CCDC63: variants seen among roughly 807,000 people sequenced by gnomAD.
The protein encoded by CCDC63 is coiled-coil domain-containing protein 63.
A neutral mutation model predicts 63.6 loss-of-function variants in CCDC63; 54 were observed. The ratio of observed to expected loss-of-function variants is 0.85; its 90% CI spans 0.68 to 1.07. The LOEUF (loss-of-function observed/expected upper bound fraction) is 1.07, where lower values mean the gene tolerates loss of function less well. Among genes scored for constraint, CCDC63 ranks in the 50% least tolerant of loss-of-function variants. CCDC63 has a pLI of 0.00. For synonymous variants in CCDC63, 253 were observed against 266.1 expected (o/e 0.95, Z 0.48); for missense variants, 637 against 689.6 (o/e 0.92, Z 0.86).
chr12:110,847,536 C>CAG (rs755217259), intron 1 of CCDC63, among the ~76,000 whole-genome samples: 78 of 145,942 alleles, frequency 5.3e-4, no homozygotes, highest in Non-Finnish European at 7.2e-4. Flanking sequence ...GCCTGGGTGA[C>CAG]AGAGAGAGAG....
intron 10 of CCDC63, among the ~76,000 whole-genome samples, chr12:110,902,021 G>A (rs1378578913): frequency 6.6e-6 from 1 of 152,044 alleles, no homozygotes; most frequent in Non-Finnish European, 1.5e-5. Flanking sequence ...AATAGAGATG[G>A]GGTTTCACCA....
chr12:110,906,727 G>A (rs760503323), intron 11 of CCDC63, among the ~76,000 whole-genome samples: 9 of 152,064 alleles, frequency 5.9e-5, no homozygotes, highest in Non-Finnish European at 1.2e-4. Context: ...CGCAGCAGGA[G>A]TGAAAGCTAG....
At chr12:110,886,656 C>T (rs983502451) in intron 8 of CCDC63, among the ~76,000 whole-genome samples, 1 of 152,104 alleles carries the variant, frequency 6.6e-6, no homozygotes, top group African/African-American at 2.4e-5. Flanking sequence ...CTCCTCCCAC[C>T]CTTTATCTCC....
At position 110,904,772 on chromosome 12, in the gene CCDC63, C is replaced by T; in HGVS notation, c.1527C>T (p.Phe509=). ...VIPPVLGADP[F]SDRLDDVEQP... is the part of the protein sequence containing the mutation. ...CCCCAGTGCTGGGGGCTGACCCCTT[C>T]AGCGACAGGTTGGATGATGGTGAGT... is the stretch of plus-strand genomic sequence containing the variant. The change falls in exon 11 of 12, where the codon TTC becomes TTT. Residue 509 remains phenylalanine, a synonymous_variant. Transcript: ENST00000308208. 6.2e-7 allele frequency: 1 copy of T among 1,609,800 alleles called. No homozygotes were observed.
In CCDC63 at chr12:110,869,663, C is replaced by T. The variant is rs572806127; in HGVS notation, c.370-4179C>T. Among the ~76,000 whole-genome samples the T allele has an allele frequency of 2.0e-4, 30 of 152,130 alleles. No individual in the cohort carries two copies. In the South Asian group the frequency reaches 3.3e-3, roughly 17 times the overall value. On this transcript the variant is annotated intron_variant, in intron 4 of 11. Transcript: ENST00000308208. ...ATGAGAAACTATGGAGTGAAGTTTC[C>T]GGGACACTGGCTGGGAGTGTTTGGG...
At chr12:110,891,343 C>T (rs2071354279) in intron 8 of CCDC63, among the ~76,000 whole-genome samples, 1 of 148,104 alleles carries the variant, frequency 6.8e-6, no homozygotes, top group East Asian at 1.9e-4. Context: ...AACAAACAAA[C>T]CAAAAAACAA....
At chr12:110,896,271 G>A (rs191016683) in intron 9 of CCDC63, among the ~76,000 whole-genome samples, 3 of 152,298 alleles carry the variant, frequency 2.0e-5, no homozygotes, top group Non-Finnish European at 2.9e-5. Context: ...CTCCTAGTGT[G>A]CTGGGATTAT....
chr12:110,901,399 A>AT (rs200908673), intron 10 of CCDC63, among the ~76,000 whole-genome samples: 1,871 of 150,630 alleles, frequency 0.012, 16 homozygotes, highest in Non-Finnish European at 0.016. Flanking sequence ...ATTTATTTTT[A>AT]TTTTTTTTTG....
intron 4 of CCDC63, among the ~76,000 whole-genome samples, chr12:110,869,864 G>A (rs1024022690): frequency 6.6e-6 from 1 of 152,176 alleles, no homozygotes; most frequent in Non-Finnish European, 1.5e-5. Flanking sequence ...CCAACCAAGA[G>A]AGGCTTTGAC....
intron 11 of CCDC63, among the ~76,000 whole-genome samples, chr12:110,905,868 A>G: frequency 9.5e-6 from 1 of 105,506 alleles, no homozygotes; most frequent in South Asian, 2.4e-4. Flanking sequence ...GTATGTGTAT[A>G]TATGTGTGTG....
Position 110,863,169 on chromosome 12 carries a change from G to C in CCDC63, c.369+4394G>C, listed in dbSNP as rs577569328. Among the ~76,000 whole-genome samples, 73 of 151,720 alleles carry C rather than the reference G, an allele frequency of 4.8e-4. 3 individuals are homozygous for C. In the South Asian group the frequency reaches 0.014, roughly 30 times the overall value. On this transcript the variant is annotated intron_variant, in intron 4 of 11. Transcript: ENST00000308208. The stretch of plus-strand genomic sequence containing the variant: ...GCACTGGGGGCGCTGCCTGTGCACG[G>C]AACAGAAGGGACACCAAAGTAGAGC...
intron 4 of CCDC63, among the ~76,000 whole-genome samples, chr12:110,868,715 G>C (rs1468383268): frequency 7.7e-6 from 1 of 130,078 alleles, no homozygotes; most frequent in Non-Finnish European, 1.7e-5. Context: ...ACCGTGGGGA[G>C]AGGGAGAGGG....
intron 3 of CCDC63, 29 bp from the exon 4 acceptor site, chr12:110,858,557 G>A: frequency 6.3e-7 from 1 of 1,591,008 alleles, no homozygotes; most frequent in Non-Finnish European, 8.6e-7. Context: ...TAGGGGTTTG[G>A]GGTTAATCAT....
intron 9 of CCDC63, among the ~76,000 whole-genome samples, chr12:110,896,165 G>A (rs943406631): frequency 6.6e-6 from 1 of 152,100 alleles, no homozygotes; most frequent in Non-Finnish European, 1.5e-5. Context: ...TTTTGAGACA[G>A]AGTCTTGCTC....
intron 8 of CCDC63, among the ~76,000 whole-genome samples, chr12:110,891,226 G>T (rs147371470): frequency 1.3e-5 from 2 of 152,060 alleles, no homozygotes; most frequent in Admixed American, 1.3e-4. Context: ...TGGGAGGATC[G>T]CTTGAACCCG....
chr12:110,877,829 C>T (rs192452409), intron 5 of CCDC63, among the ~76,000 whole-genome samples: 1 of 151,586 alleles, frequency 6.6e-6, no homozygotes. Flanking sequence ...ACTCAGCCTA[C>T]CAAGTAGCTG....
upstream of CCDC63, among the ~76,000 whole-genome samples, chr12:110,844,933 G>C (rs2070621939): frequency 6.6e-6 from 1 of 152,176 alleles, no homozygotes; most frequent in African/African-American, 2.4e-5. Flanking sequence ...CCTCTGCCTG[G>C]TCCCTCTGCG....
In CCDC63 at chr12:110,904,616, G is replaced by A. The variant is rs1238000090; in HGVS notation, c.1371G>A (p.Leu457=). 1 of 1,614,088 alleles carries A rather than the reference G, an allele frequency of 6.2e-7. No individual in the cohort carries two copies. Among genetic ancestry groups the A allele is most frequent in the Non-Finnish European group, 8.5e-7 (1 of 1,180,004 alleles). Reference sequence around the variant, plus strand: ...TCATTGAAAAGAAGACCAACGACCTGCTGCTGTTGGAGACCTACAGGCGCA... The same window carrying A: ...TCATTGAAAAGAAGACCAACGACCTACTGCTGTTGGAGACCTACAGGCGCA... ...FAIIEKKTND[L]LLLETYRRIL... The change falls in exon 11 of 12, where the codon CTG becomes CTA. Residue 457 remains leucine (L), a synonymous_variant. Coordinates refer to ENST00000308208, the MANE Select transcript of CCDC63 (RefSeq NM_152591.3).
At chr12:110,881,595 G>A (rs1031260375) in intron 7 of CCDC63, among the ~76,000 whole-genome samples, 3 of 152,078 alleles carry the variant, frequency 2.0e-5, no homozygotes, top group African/African-American at 4.8e-5. Flanking sequence ...AGTGGTGAGT[G>A]CCTGTAATCC....
Sources: allele counts gnomAD v4.1 joint callset (sites outside exome capture counted in the v4.1 genomes callset), GRCh38; gene constraint gnomAD v4.1.1; transcripts MANE v1.5; gene names NCBI Gene and HGNC (gene_info 2026-07-23, HGNC 2026-07-21).